ADORA2A: variants seen among roughly 807,000 people sequenced by gnomAD.
ADORA2A encodes the protein adenosine A2a receptor.
Under a neutral mutation model 18.4 loss-of-function variants are expected in ADORA2A, and 11 were observed. The ratio of observed to expected loss-of-function variants is 0.60; its 90% confidence interval spans 0.38 to 0.99. The LOEUF is 0.99. Ranked by LOEUF, ADORA2A falls within the 50% of genes least tolerant of loss-of-function variation. The pLI, the probability that ADORA2A is intolerant of heterozygous loss-of-function variation, is 0.01. For missense variants in ADORA2A, 449 were observed against 556.1 expected (o/e 0.81, Z 1.94); for synonymous variants, 218 against 237.3 (o/e 0.92, Z 0.75).
intron 1 of ADORA2A, chr22:24,431,556 T>C (rs2043036620): frequency 2.2e-6 from 1 of 452,292 alleles, no homozygotes. Context: ...GCTCCATCCC[T>C]CATGTCCTGG....
intron 2 of ADORA2A, among the ~76,000 whole-genome samples, chr22:24,436,759 C>T (rs1484377393): frequency 6.6e-6 from 1 of 152,164 alleles, no homozygotes; most frequent in Non-Finnish European, 1.5e-5. Flanking sequence ...AGAGGGCTCC[C>T]TGGAGGAGGT....
intron 1 of ADORA2A, chr22:24,431,035 C>T (rs956472785): frequency 7.1e-6 from 3 of 422,526 alleles, no homozygotes; most frequent in Middle Eastern, 3.4e-4. Flanking sequence ...GTCAGGTGGG[C>T]CCTGGTGAGT....
Position 24,441,643 on chromosome 22 carries a change from G to C in ADORA2A, c.*154G>C. ...TGAGAGAAGGGAGCCCCAGGCTGGA[G>C]CAGCATGAGGCCCAGCAAGAAGGGC... On this transcript the variant is annotated 3_prime_UTR_variant, in exon 3 of 3. Transcript: ENST00000337539. The C allele has an allele frequency of 1.4e-6, 1 of 693,686 alleles. No individual in the cohort carries two copies. Among genetic ancestry groups the C allele is most frequent in the Non-Finnish European group, 2.1e-6 (1 of 468,202 alleles). The allele number at this position is 693,686 out of a possible 1,614,324, so 43.0% of individuals were successfully genotyped here. A position where few individuals can be genotyped will look rare whatever the true frequency, so the allele number is the denominator to read the frequency against.
At chr22:24,427,554 G>C (rs1180874441), upstream of ADORA2A, 2 of 152,404 alleles carry the variant, frequency 1.3e-5, no homozygotes, top group East Asian at 3.9e-4. Flanking sequence ...GACGTGACGT[G>C]GCTCACCACA....
intron 2 of ADORA2A, among the ~76,000 whole-genome samples, chr22:24,435,482 CT>C (rs1031541914): frequency 1.6e-4 from 25 of 152,326 alleles, no homozygotes; most frequent in African/African-American, 6.0e-4. Context: ...AGGAGCTCGA[CT>C]TTTTTTCTCT....
In ADORA2A at chr22:24,431,970, G is replaced by A. The variant is rs748882037; in HGVS notation, c.-274-1161G>A. 8 of 164,518 alleles carry A rather than the reference G, an allele frequency of 4.9e-5. No individual in the cohort carries two copies. In the East Asian group the frequency reaches 8.6e-4, roughly 18 times the overall value. 10.2% of individuals were successfully genotyped at this position (164,518 alleles called of 1,614,324 possible). A position where few individuals can be genotyped will look rare whatever the true frequency, so the allele number is the denominator to read the frequency against. ...TCATTTGGGGTCCAGCTGCCTCACC[G>A]TATCAATGAGGAAACTGAGGCCCAG... On this transcript the variant is annotated intron_variant, in intron 1 of 2. Transcript: ENST00000337539.
In ADORA2A at chr22:24,438,999, A is replaced by T. The variant is rs1464217492; in HGVS notation, c.333-1584A>T. 2.8e-5 allele frequency among the ~76,000 whole-genome samples: 4 copies of T among 143,918 alleles called. No homozygotes were observed. In the South Asian group the frequency reaches 9.1e-4, roughly 33 times the overall value. 94.4% of individuals were successfully genotyped at this position (143,918 alleles called of 152,430 possible). A position where few individuals can be genotyped will look rare whatever the true frequency, so the allele number is the denominator to read the frequency against. On this transcript the variant is annotated intron_variant, in intron 2 of 2. Coordinates refer to ENST00000337539, the MANE Select transcript of ADORA2A (RefSeq NM_000675.6). ...TGCTACCTATAGGCGCCTGTTTGCT[A>T]CCCGTGAATGAGATGGTTTCTGTGG...
Position 24,441,076 on chromosome 22 carries a change from C to T in ADORA2A, c.826C>T (p.Leu276Phe). 6.2e-7 allele frequency: 1 copy of T among 1,614,152 alleles called. No individual in the cohort carries two copies. The highest frequency in any genetic ancestry group is 8.5e-7 in the Non-Finnish European group (1 of 1,180,038). ...CTGGCTCATGTACCTGGCCATCGTC[C>T]TCTCCCACACCAATTCGGTTGTGAA... ...PLWLMYLAIVLSHTNSVVNPF... is the reference protein window; with the variant it reads ...PLWLMYLAIVFSHTNSVVNPF... Residue 276 changes from leucine to phenylalanine, a missense_variant, in exon 3 of 3, where the codon CTC (leucine) becomes TTC (phenylalanine). Transcript: ENST00000337539.
chr22:24,441,583 G>C lies in ADORA2A; in HGVS notation c.*94G>C. The C allele has an allele frequency of 7.6e-7, 1 of 1,314,704 alleles. No individual in the cohort carries two copies. The highest frequency in any genetic ancestry group is 9.9e-7 in the Non-Finnish European group (1 of 1,006,392). 81.4% of individuals were successfully genotyped at this position (1,314,704 alleles called of 1,614,324 possible). On this transcript the variant is annotated 3_prime_UTR_variant, in exon 3 of 3. Coordinates refer to ENST00000337539, the MANE Select transcript of ADORA2A (RefSeq NM_000675.6). ...CGTTGGGAGAAGAGAGAGAGTGCCAGGAGACCCTGAGGGCAGCCGGTTCCT... is the reference window on the plus strand; with the variant it reads ...CGTTGGGAGAAGAGAGAGAGTGCCACGAGACCCTGAGGGCAGCCGGTTCCT...
chr22:24,441,770 T>C lies in ADORA2A; in HGVS notation c.*281T>C, dbSNP rs2043350157. ...TGCTGGGCAGGGCCCAGCCCTCCAC[T>C]GCAGAAGCATCTGGAAGCACCACCT... On this transcript the variant is annotated 3_prime_UTR_variant, in exon 3 of 3. Coordinates refer to ENST00000337539, the MANE Select transcript of ADORA2A (RefSeq NM_000675.6). 3.2e-6 allele frequency: 1 copy of C among 317,360 alleles called. No homozygotes were observed. Among genetic ancestry groups the C allele is most frequent in the Admixed American group, 4.4e-5 (1 of 22,602 alleles). The allele number at this position is 317,360 out of a possible 1,614,324, so 19.7% of individuals were successfully genotyped here.
upstream of ADORA2A, among the ~76,000 whole-genome samples, chr22:24,426,103 C>T (rs536748652): frequency 6.6e-6 from 1 of 152,284 alleles, no homozygotes; most frequent in South Asian, 2.1e-4. Flanking sequence ...TCACGTCCTG[C>T]AAAGTCCAGG....
At position 24,437,739 on chromosome 22, in the gene ADORA2A, C is replaced by T. The variant is rs150064686; in HGVS notation, c.333-2844C>T. On this transcript the variant is annotated intron_variant, in intron 2 of 2. Coordinates refer to ENST00000337539, the MANE Select transcript of ADORA2A (RefSeq NM_000675.6). ...TTAATGTATGTTTTGTTTCTGTCCC[C>T]ACACGGGACTTTCTTTGCAGAGTAC... Among the ~76,000 whole-genome samples, 414 of 152,354 alleles carry T rather than the reference C, an allele frequency of 2.7e-3. 3 individuals are homozygous for T. The highest frequency in any genetic ancestry group is 8.9e-3 in the African/African-American group (372 of 41,590).
At chr22:24,424,964 G>T (rs1056576627), upstream of ADORA2A, among the ~76,000 whole-genome samples, 4 of 152,098 alleles carry the variant, frequency 2.6e-5, no homozygotes, top group Non-Finnish European at 5.9e-5. The surrounding 1 kb of genome is among the most constrained non-coding windows in gnomAD (Gnocchi z 4.9). Flanking sequence ...GCAAAGACGC[G>T]CAGGTGTTTG....
upstream of ADORA2A, among the ~76,000 whole-genome samples, chr22:24,425,088 C>T (rs2042902607): frequency 6.6e-6 from 1 of 152,140 alleles, no homozygotes; most frequent in Middle Eastern, 3.2e-3. Context: ...TTGCCAGGTG[C>T]TCAGGCCGCC....
chr22:24,424,772 G>C (rs1474059214), upstream of ADORA2A, among the ~76,000 whole-genome samples: 1 of 152,172 alleles, frequency 6.6e-6, no homozygotes, highest in Non-Finnish European at 1.5e-5. This position sits in a 1 kb window ranked among gnomAD's most constrained non-coding sequence, Gnocchi z 4.9. Context: ...TAGGAATGGC[G>C]GGAATGGTGG....
rs1340634508 is a variant in ADORA2A, at chr22:24,433,537, G to C, written c.133G>C (p.Val45Leu). 1 of 1,614,236 alleles carries C rather than the reference G, an allele frequency of 6.2e-7. No individual in the cohort carries two copies. Among genetic ancestry groups the C allele is most frequent in the South Asian group, 1.1e-5 (1 of 91,088 alleles). The change falls in exon 2 of 3, where the codon GTG (valine) becomes CTG (leucine). Residue 45 changes from valine to leucine, a missense_variant. Coordinates refer to ENST00000337539, the MANE Select transcript of ADORA2A (RefSeq NM_000675.6). ...SNLQNVTNYF[V>L]VSLAAADIAV... ...CCTGCAGAACGTCACCAACTACTTT[G>C]TGGTGTCACTGGCGGCGGCCGACAT...
intron 2 of ADORA2A, among the ~76,000 whole-genome samples, chr22:24,436,016 G>A (rs542875222): frequency 3.3e-5 from 5 of 152,164 alleles, no homozygotes; most frequent in Non-Finnish European, 5.9e-5. Context: ...GTGGCCAGGC[G>A]GATGTTCTGA....
rs983170829 is a variant in ADORA2A, at chr22:24,441,751, G to A, written c.*262G>A. 3 of 355,420 alleles carry A rather than the reference G, an allele frequency of 8.4e-6. No individual in the cohort carries two copies. In the East Asian group the frequency reaches 1.3e-4, roughly 15 times the overall value. 22.0% of individuals were successfully genotyped at this position (355,420 alleles called of 1,614,324 possible). A position where few individuals can be genotyped will look rare whatever the true frequency, so the allele number is the denominator to read the frequency against. ...ACAGCACCAGCAGCATCTTTGCTGG[G>A]CAGGGCCCAGCCCTCCACTGCAGAA... On this transcript the variant is annotated 3_prime_UTR_variant, in exon 3 of 3. Transcript: ENST00000337539.
At chr22:24,429,447 C>T (rs1400907353) in intron 1 of ADORA2A, 1 of 152,260 alleles carries the variant, frequency 6.6e-6, no homozygotes, top group Non-Finnish European at 1.5e-5. Context: ...TTAATTTCCC[C>T]TCCTGGTTAG....
Sources: gnomAD v4.1 joint callset for allele counts (sites outside exome capture counted in the v4.1 genomes callset) on GRCh38, gnomAD v4.1.1 for gene constraint, Gnocchi (gnomAD v3.1) non-coding constraint, MANE v1.5 for transcripts, NCBI Gene and HGNC (gene_info 2026-07-23, HGNC 2026-07-21) for gene names.